The following EGFLAM variants were observed in gnomAD, a reference collection of about 807,000 sequenced individuals.
EGFLAM encodes EGF like, fibronectin type III and laminin G domains.
In EGFLAM, 79 loss-of-function variants were observed where a neutral mutation model predicts 113.1. The ratio of observed to expected loss-of-function variants is 0.70; its 90% CI spans 0.58 to 0.84. The LOEUF (loss-of-function observed/expected upper bound fraction) is 0.84, where lower values mean the gene tolerates loss of function less well. EGFLAM is among the 40% of genes least tolerant of loss of function. The pLI is 0.00. For missense variants in EGFLAM, 1,265 were observed against 1,291.6 expected (o/e 0.98, Z 0.32); for synonymous variants, 504 against 487.6 (o/e 1.03, Z -0.44).
intron 6 of EGFLAM, 127 bp from the exon 7 acceptor site, chr5:38,405,999 A>G: frequency 1.3e-6 from 1 of 767,790 alleles, no homozygotes; most frequent in Admixed American, 2.0e-5. Flanking sequence ...TCTGTGTTGA[A>G]TTCATTGTTA....
chr5:38,416,595 A>G (rs2112156480), intron 11 of EGFLAM, among the ~76,000 whole-genome samples: 2 of 152,330 alleles, frequency 1.3e-5, no homozygotes, highest in South Asian at 4.1e-4. Context: ...CGAAGGGCAC[A>G]GCAAAATAGC....
intron 1 of EGFLAM, among the ~76,000 whole-genome samples, chr5:38,320,058 T>G (rs781219643): frequency 2.0e-5 from 3 of 152,224 alleles, no homozygotes; most frequent in Non-Finnish European, 2.9e-5. Context: ...CAGTTAAAAT[T>G]GGAAGCCATC....
intron 5 of EGFLAM, among the ~76,000 whole-genome samples, chr5:38,361,990 G>A (rs1362039657): frequency 1.3e-5 from 2 of 151,554 alleles, no homozygotes; most frequent in African/African-American, 4.9e-5. Context: ...AATGTAAAAA[G>A]CATTACCCAC....
intron 3 of EGFLAM, among the ~76,000 whole-genome samples, chr5:38,339,802 A>G (rs1579793225): frequency 6.6e-6 from 1 of 152,308 alleles, no homozygotes; most frequent in African/African-American, 2.4e-5. Context: ...GAATAGATGC[A>G]CATTTCCAGC....
chr5:38,413,872 T>C (rs1017329773), intron 11 of EGFLAM, among the ~76,000 whole-genome samples: 7 of 152,200 alleles, frequency 4.6e-5, no homozygotes, highest in African/African-American at 1.4e-4. Flanking sequence ...CCATCAGGCA[T>C]GGTTAGAGTC....
chr5:38,304,331 A>T (rs990542750), intron 1 of EGFLAM, among the ~76,000 whole-genome samples: 2 of 152,184 alleles, frequency 1.3e-5, no homozygotes, highest in Non-Finnish European at 2.9e-5. Flanking sequence ...ATCTCTTTCC[A>T]ATGTCTGCAT....
At chr5:38,321,920 A>G (rs116731683) in intron 1 of EGFLAM, among the ~76,000 whole-genome samples, 1,729 of 152,304 alleles carry the variant, frequency 0.011, 36 homozygotes, top group African/African-American at 0.037. Flanking sequence ...TATTAGACAC[A>G]ATATTTTCTC....
chr5:38,324,296 G>C lies in EGFLAM; in HGVS notation c.98-13224G>C, dbSNP rs139273686. 1.9e-3 allele frequency among the ~76,000 whole-genome samples: 288 copies of C among 152,174 alleles called. 1 individual carries two copies. Among genetic ancestry groups the C allele is most frequent in the African/African-American group, 6.5e-3 (271 of 41,502 alleles). ...CCTGATGGTTTCTCTGGCCTTTCTG[G>C]GTTCACCACCTTTCTGTACCTAAAA... is the stretch of plus-strand genomic sequence containing the variant. On this transcript the variant is annotated intron_variant, in intron 1 of 21. Coordinates refer to ENST00000322350, the MANE Select transcript of EGFLAM (RefSeq NM_152403.4).
At chr5:38,344,864 T>G (rs546389622) in intron 3 of EGFLAM, among the ~76,000 whole-genome samples, 1 of 152,306 alleles carries the variant, frequency 6.6e-6, no homozygotes, top group Admixed American at 6.5e-5. Flanking sequence ...GGCCTCAGCA[T>G]TCTCACTCAC....
intron 16 of EGFLAM, 110 bp downstream of exon 16, chr5:38,435,363 G>C: frequency 3.5e-6 from 3 of 849,570 alleles, no homozygotes; most frequent in Non-Finnish European, 3.7e-6. Flanking sequence ...CTTTGAGAAA[G>C]TTTTAACATT....
chr5:38,269,550 C>T (rs543503362), intron 1 of EGFLAM, among the ~76,000 whole-genome samples: 293 of 149,544 alleles, frequency 2.0e-3, no homozygotes, highest in Middle Eastern at 3.4e-3. Context: ...AGTGCAGTGG[C>T]GCAATCTCGG....
At chr5:38,427,887 T>A (rs1488436628) in intron 14 of EGFLAM, among the ~76,000 whole-genome samples, 1 of 152,206 alleles carries the variant, frequency 6.6e-6, no homozygotes, top group Non-Finnish European at 1.5e-5. Flanking sequence ...GCAGAATTGG[T>A]GTAAGTAGTC....
intron 3 of EGFLAM, among the ~76,000 whole-genome samples, chr5:38,339,097 T>C (rs1210900780): frequency 1.3e-5 from 2 of 152,194 alleles, no homozygotes; most frequent in African/African-American, 4.8e-5. Context: ...TCAGTTCTGT[T>C]TTTTTTAATC....
At chr5:38,380,132 C>T (rs1225153489) in intron 6 of EGFLAM, among the ~76,000 whole-genome samples, 3 of 152,216 alleles carry the variant, frequency 2.0e-5, no homozygotes, top group Non-Finnish European at 4.4e-5. Context: ...TCCCCAGCCC[C>T]TAAAAATGTA....
At position 38,329,985 on chromosome 5, in the gene EGFLAM, T is replaced by A. The variant is rs59732864; in HGVS notation, c.98-7535T>A. Among the ~76,000 whole-genome samples, 348 of 152,142 alleles carry A rather than the reference T, an allele frequency of 2.3e-3. 9 individuals carry two copies. The East Asian group carries it at 0.045, about 20-fold the overall frequency. On this transcript the variant is annotated intron_variant, in intron 1 of 21. Coordinates refer to ENST00000322350, the MANE Select transcript of EGFLAM (RefSeq NM_152403.4). ...AAAATAGGAGTCATACCTAACCAGGTCCCAGCAGGGTCCGATTTAAATACT... is the reference window on the plus strand; with the variant it reads ...AAAATAGGAGTCATACCTAACCAGGACCCAGCAGGGTCCGATTTAAATACT...
chr5:38,451,690 G>T (rs1189416315), intron 19 of EGFLAM: 2 of 544,222 alleles, frequency 3.7e-6, no homozygotes, highest in Non-Finnish European at 3.1e-6. Flanking sequence ...ACTCTTTTTT[G>T]TAAATAAAGT....
chr5:38,462,745 G>C, intron 20 of EGFLAM, 163 bp from the exon 21 acceptor site: 1 of 718,292 alleles, frequency 1.4e-6, no homozygotes, highest in Non-Finnish European at 2.3e-6. Context: ...GCTCCTGAGG[G>C]CCACACATTT....
rs1743436443 is a variant in EGFLAM, at chr5:38,465,420, G to T, written c.*1434G>T. ...TTCAGCAAAGACTTTTGGGGTTTGTGCAAGGCACAGTTTTAAGCACATAAT... is the reference window on the plus strand; with the variant it reads ...TTCAGCAAAGACTTTTGGGGTTTGTTCAAGGCACAGTTTTAAGCACATAAT... On this transcript the variant is annotated 3_prime_UTR_variant, in exon 22 of 22. Coordinates refer to ENST00000322350, the MANE Select transcript of EGFLAM (RefSeq NM_152403.4). Among the ~76,000 whole-genome samples the T allele has an allele frequency of 6.6e-6, 1 of 152,216 alleles. No individual in the cohort carries two copies. Among genetic ancestry groups the T allele is most frequent in the Non-Finnish European group, 1.5e-5 (1 of 68,044 alleles).
Position 38,422,716 on chromosome 5 carries a change from C to A in EGFLAM, c.1685-2251C>A, listed in dbSNP as rs370217782. ...GTAGCAACAAGTATGAATGATACTT[C>A]AAAAAATGTGCAATAAATGGAAGGT... is the stretch of plus-strand genomic sequence containing the variant. On this transcript the variant is annotated intron_variant, in intron 12 of 21. Coordinates refer to ENST00000322350, the MANE Select transcript of EGFLAM (RefSeq NM_152403.4). Among the ~76,000 whole-genome samples the A allele has an allele frequency of 4.6e-5, 7 of 152,186 alleles. No individual in the cohort carries two copies. In the South Asian group the frequency reaches 1.2e-3, roughly 27 times the overall value.
Sources: gnomAD v4.1 joint callset for allele counts (sites outside exome capture counted in the v4.1 genomes callset) on GRCh38, gnomAD v4.1.1 for gene constraint, MANE v1.5 for transcripts, NCBI Gene and HGNC (gene_info 2026-07-23, HGNC 2026-07-21) for gene names.